The following PACS1 variants were observed in gnomAD, a reference collection of about 807,000 sequenced individuals.
PACS1 encodes phosphofurin acidic cluster sorting protein 1.
PACS1 carries 24 observed loss-of-function variants against 115.0 expected under a neutral mutation model. That is an observed-to-expected ratio of 0.21 (90% confidence interval 0.15 to 0.29). The LOEUF (loss-of-function observed/expected upper bound fraction) is 0.29, where lower values mean the gene tolerates loss of function less well. PACS1 is among the 10% of genes least tolerant of loss of function. The pLI is 1.00. For synonymous variants in PACS1, 453 were observed against 504.5 expected (o/e 0.90, Z 1.37); for missense variants, 838 against 1,251.2 (o/e 0.67, Z 4.98).
intron 2 of PACS1, among the ~76,000 whole-genome samples, chr11:66,199,819 A>ACC (rs1854736619): frequency 2.0e-5 from 3 of 151,434 alleles, no homozygotes; most frequent in South Asian, 4.2e-4. Context: ...GGAGTTCGAG[A>ACC]CCAGCCTGGC....
At chr11:66,224,821 G>A (rs551399473) in intron 10 of PACS1, among the ~76,000 whole-genome samples, 2 of 152,288 alleles carry the variant, frequency 1.3e-5, no homozygotes, top group East Asian at 1.9e-4. Context: ...CTGTAGGCAG[G>A]TGTGCACGCA....
intron 22 of PACS1, among the ~76,000 whole-genome samples, chr11:66,241,972 G>A (rs1193042976): frequency 6.6e-6 from 1 of 152,236 alleles, no homozygotes; most frequent in Non-Finnish European, 1.5e-5. Flanking sequence ...TGCAGACAGG[G>A]AGAGGCCTCT....
At position 66,070,741 on chromosome 11, in the gene PACS1, G is replaced by A; in HGVS notation, c.255G>A (p.Ala85=). The A allele has an allele frequency of 1.3e-6, 2 of 1,561,158 alleles. No homozygotes were observed. The highest frequency in any genetic ancestry group is 1.2e-5 in the South Asian group (1 of 86,186). The change falls in exon 1 of 24, where the codon GCG becomes GCA. Residue 85 remains alanine (A), a synonymous_variant. Transcript: ENST00000320580. The surrounding 1 kb of genome is among the most constrained non-coding windows in gnomAD (Gnocchi z 5.9). The part of the protein sequence containing the change: ...SMAVAVASGS[A]PPGGPGPGRT... The stretch of plus-strand genomic sequence containing the variant: ...CCGTGGCGGTGGCCTCGGGCTCCGC[G>A]CCTCCCGGTGGCCCGGGGCCAGGCC...
chr11:66,091,382 C>T (rs1462629844), intron 1 of PACS1, among the ~76,000 whole-genome samples: 1 of 152,090 alleles, frequency 6.6e-6, no homozygotes, highest in Non-Finnish European at 1.5e-5. Flanking sequence ...CTCAAGCAGT[C>T]CACCCACCTC....
chr11:66,209,671 A>G lies in PACS1; in HGVS notation c.445-691A>G, dbSNP rs575720818. ...ACACCTGTAATCCCAGCACTTTGGGAGGCTGAAGCAAGCTGATCATCTGAG... is the reference window on the plus strand; with the variant it reads ...ACACCTGTAATCCCAGCACTTTGGGGGGCTGAAGCAAGCTGATCATCTGAG... On this transcript the variant is annotated intron_variant, in intron 2 of 23. Transcript: ENST00000320580. 9.5e-3 allele frequency among the ~76,000 whole-genome samples: 1,442 copies of G among 152,110 alleles called. 8 individuals carry two copies. The highest frequency in any genetic ancestry group is 0.016 in the Non-Finnish European group (1,076 of 67,986).
chr11:66,131,726 G>A (rs973315330), intron 1 of PACS1, among the ~76,000 whole-genome samples: 29 of 151,604 alleles, frequency 1.9e-4, no homozygotes, highest in African/African-American at 6.8e-4. Context: ...CCAGGAGTTC[G>A]AGACCAGCCT....
chr11:66,211,973 T>G (rs987152163), intron 4 of PACS1, among the ~76,000 whole-genome samples: 1 of 152,176 alleles, frequency 6.6e-6, no homozygotes, highest in African/African-American at 2.4e-5. Flanking sequence ...TTTTGAATAC[T>G]CCTCAGTCCA....
chr11:66,238,506 A>C (rs1350329909), intron 19 of PACS1: 2 of 290,474 alleles, frequency 6.9e-6, no homozygotes, highest in Non-Finnish European at 1.2e-5. Context: ...TATTTGATGT[A>C]TTTATTTATT....
chr11:66,192,439 G>GC (rs1175294179), intron 1 of PACS1, among the ~76,000 whole-genome samples: 2 of 152,236 alleles, frequency 1.3e-5, no homozygotes, highest in Non-Finnish European at 2.9e-5. Flanking sequence ...AGAAGGAACA[G>GC]CAGCCTCCAA....
At chr11:66,091,488 ATTG>A (rs915203706) in intron 1 of PACS1, among the ~76,000 whole-genome samples, 4 of 142,566 alleles carry the variant, frequency 2.8e-5, no homozygotes, top group East Asian at 2.1e-4. Context: ...TTTTTTTCTC[ATTG>A]TTGTTGTTGT....
At chr11:66,209,589 T>C (rs1216995341) in intron 2 of PACS1, among the ~76,000 whole-genome samples, 1 of 152,034 alleles carries the variant, frequency 6.6e-6, no homozygotes, top group Non-Finnish European at 1.5e-5. Context: ...ATAAGTACAA[T>C]AAAGACTCAT....
At chr11:66,234,310 G>T in intron 17 of PACS1, 68 bp downstream of exon 17, 1 of 982,414 alleles carries the variant, frequency 1.0e-6, no homozygotes, top group Non-Finnish European at 1.7e-6. Context: ...GGCTGCAGAA[G>T]GAGGCTGAGG....
intron 19 of PACS1, 66 bp from the exon 20 acceptor site, chr11:66,238,738 C>T (rs1182292429): frequency 1.4e-6 from 2 of 1,394,152 alleles, no homozygotes; most frequent in African/African-American, 2.9e-5. Context: ...CAATGTGTTT[C>T]TGGTTGGATC....
intron 1 of PACS1, among the ~76,000 whole-genome samples, chr11:66,096,793 C>T (rs776574960): frequency 4.0e-5 from 6 of 151,856 alleles, no homozygotes; most frequent in East Asian, 1.9e-4. Context: ...CTGAGCACCG[C>T]GCCCAGCCGC....
At chr11:66,234,546 G>A (rs1325194029) in intron 17 of PACS1, among the ~76,000 whole-genome samples, 1 of 152,222 alleles carries the variant, frequency 6.6e-6, no homozygotes, top group Admixed American at 6.5e-5. Context: ...AAGGAGCAGA[G>A]AATAGCAGTC....
intron 1 of PACS1, among the ~76,000 whole-genome samples, chr11:66,138,763 A>G (rs1373922393): frequency 6.6e-6 from 1 of 150,494 alleles, no homozygotes; most frequent in Non-Finnish European, 1.5e-5. Flanking sequence ...GCTCACTGCA[A>G]CCTCCGCCTC....
chr11:66,099,154 C>G (rs1404721985), intron 1 of PACS1, among the ~76,000 whole-genome samples: 3 of 152,204 alleles, frequency 2.0e-5, no homozygotes, highest in Non-Finnish European at 2.9e-5. Context: ...AGCAGTTCTC[C>G]TGCCTCAGCC....
chr11:66,133,764 C>G (rs978847175), intron 1 of PACS1, among the ~76,000 whole-genome samples: 43 of 152,342 alleles, frequency 2.8e-4, no homozygotes, highest in African/African-American at 1.0e-3. Context: ...CTCAACCCCC[C>G]AAAGTGCTGG....
intron 3 of PACS1, 25 bp from the exon 4 acceptor site, chr11:66,211,109 C>T (rs1374993883): frequency 6.2e-7 from 1 of 1,612,094 alleles, no homozygotes; most frequent in African/African-American, 1.3e-5. Flanking sequence ...ATTAACCACG[C>T]TCGACTCTGT....
Sources: allele counts gnomAD v4.1 joint callset (sites outside exome capture counted in the v4.1 genomes callset), GRCh38; gene constraint gnomAD v4.1.1; non-coding constraint Gnocchi (gnomAD v3.1); transcripts MANE v1.5; gene names NCBI Gene and HGNC (gene_info 2026-07-23, HGNC 2026-07-21).